CD2AP: variants seen among roughly 807,000 people sequenced by gnomAD.
CD2AP encodes the protein CD2-associated protein.
CD2AP carries 46 observed loss-of-function variants against 85.1 expected under a neutral mutation model. The observed-to-expected ratio is 0.54, with a 90% CI of 0.43 to 0.69. The LOEUF is 0.69. CD2AP is among the 30% of genes least tolerant of loss of function. CD2AP has a pLI of 0.00. For synonymous variants in CD2AP, 255 were observed against 252.9 expected (o/e 1.01, Z -0.08); for missense variants, 769 against 729.5 (o/e 1.05, Z -0.62).
chr6:47,576,090 T>C (rs1362077599), intron 6 of CD2AP, among the ~76,000 whole-genome samples: 2 of 152,150 alleles, frequency 1.3e-5, no homozygotes, highest in Non-Finnish European at 1.5e-5. Context: ...ATTGTAGTTT[T>C]TAGAGATAGG....
At chr6:47,495,192 G>C (rs1342839704) in intron 1 of CD2AP, among the ~76,000 whole-genome samples, 1 of 152,108 alleles carries the variant, frequency 6.6e-6, no homozygotes, top group African/African-American at 2.4e-5. Context: ...GTCTTTTCAG[G>C]TGTGATTAAG....
At chr6:47,510,077 A>G (rs1766274276) in intron 2 of CD2AP, among the ~76,000 whole-genome samples, 1 of 152,188 alleles carries the variant, frequency 6.6e-6, no homozygotes, top group African/African-American at 2.4e-5. Flanking sequence ...AGCAGAGTAT[A>G]TAGTTTATGA....
In CD2AP at chr6:47,610,971, A is replaced by ATATATATATATATATATATATTTT; in HGVS notation, c.1815-1501_1815-1500insATATATATATATATATATATTTTT. Reference sequence around the variant, plus strand: ...GATTTATATATATATATATATATGTATTTTTTTTTTTTTTTGAATATAAAA... The same window carrying ATATATATATATATATATATATTTT: ...GATTTATATATATATATATATATGTATATATATATATATATATATATTTTTTTTTTTTTTTTTTTGAATATAAAA... On this transcript the variant is annotated intron_variant, in intron 16 of 17. Coordinates refer to ENST00000359314, the MANE Select transcript of CD2AP (RefSeq NM_012120.3). Among the ~76,000 whole-genome samples, 17 of 112,868 alleles carry ATATATATATATATATATATATTTT rather than the reference A, an allele frequency of 1.5e-4. 1 individual carries two copies. Among genetic ancestry groups the ATATATATATATATATATATATTTT allele is most frequent in the Middle Eastern group, 5.3e-3 (1 of 188 alleles). The allele number at this position is 112,868 out of a possible 152,430, so 74.0% of individuals were successfully genotyped here.
intron 5 of CD2AP, among the ~76,000 whole-genome samples, chr6:47,573,222 T>A (rs1768203153): frequency 6.6e-6 from 1 of 152,120 alleles, no homozygotes. Flanking sequence ...TTAAAAATTT[T>A]TTATTATTAT....
intron 3 of CD2AP, among the ~76,000 whole-genome samples, chr6:47,537,421 C>T (rs1767081343): frequency 6.6e-6 from 1 of 152,072 alleles, no homozygotes; most frequent in Admixed American, 6.6e-5. Flanking sequence ...ACACCCTACC[C>T]TCTTGAACAG....
At chr6:47,518,617 G>A (rs1422738700) in intron 2 of CD2AP, among the ~76,000 whole-genome samples, 2 of 152,132 alleles carry the variant, frequency 1.3e-5, no homozygotes, top group Non-Finnish European at 2.9e-5. Context: ...AATGATATAT[G>A]CCTCTTTGTG....
chr6:47,482,612 T>G (rs903963690), intron 1 of CD2AP, among the ~76,000 whole-genome samples: 3 of 152,136 alleles, frequency 2.0e-5, no homozygotes, highest in Admixed American at 2.0e-4. Context: ...TCTCCTGACC[T>G]TGTAATCTGC....
chr6:47,595,727 A>G (rs1035319538), intron 11 of CD2AP, 134 bp from the exon 12 acceptor site: 2 of 665,146 alleles, frequency 3.0e-6, no homozygotes, highest in South Asian at 3.6e-5. Context: ...AACAGTGCAC[A>G]TGTATACAAA....
intron 17 of CD2AP, among the ~76,000 whole-genome samples, chr6:47,616,526 T>G (rs1468663677): frequency 6.6e-6 from 1 of 152,216 alleles, no homozygotes; most frequent in Non-Finnish European, 1.5e-5. Flanking sequence ...TGAAAGTACT[T>G]TGTAAATTAT....
chr6:47,542,918 A>G (rs985620401), intron 3 of CD2AP, among the ~76,000 whole-genome samples: 8 of 152,100 alleles, frequency 5.3e-5, no homozygotes, highest in Non-Finnish European at 1.0e-4. Context: ...TGGGAGGTCC[A>G]GGCAGGTGGA....
At chr6:47,544,515 A>T in intron 3 of CD2AP, 91 bp from the exon 4 acceptor site, 1 of 831,880 alleles carries the variant, frequency 1.2e-6, no homozygotes, top group Non-Finnish European at 2.0e-6. Flanking sequence ...ATTTATTTAT[A>T]TAAGTCCTGT....
intron 17 of CD2AP, 47 bp downstream of exon 17, chr6:47,612,583 A>G (rs1163464876): frequency 1.4e-6 from 2 of 1,383,114 alleles, no homozygotes; most frequent in South Asian, 1.2e-5. Context: ...CATAAACTGG[A>G]CATGTTTTTC....
chr6:47,617,054 A>G (rs531043000), intron 17 of CD2AP, among the ~76,000 whole-genome samples: 16 of 152,176 alleles, frequency 1.1e-4, no homozygotes, highest in Non-Finnish European at 2.2e-4. Context: ...TGCAACCTCA[A>G]ACTCCTGGGA....
intron 5 of CD2AP, among the ~76,000 whole-genome samples, chr6:47,568,658 C>G (rs899180622): frequency 1.3e-5 from 2 of 152,082 alleles, no homozygotes; most frequent in African/African-American, 4.8e-5. Flanking sequence ...GCAGGAGATT[C>G]GCTTGAACCT....
chr6:47,483,020 TC>T (rs1443905858), intron 1 of CD2AP, among the ~76,000 whole-genome samples: 2 of 152,182 alleles, frequency 1.3e-5, no homozygotes, highest in East Asian at 3.8e-4. Flanking sequence ...TTGTGAAAGA[TC>T]TGAAAGTTTT....
At chr6:47,566,893 T>C in intron 5 of CD2AP, among the ~76,000 whole-genome samples, 1 of 152,200 alleles carries the variant, frequency 6.6e-6, no homozygotes, top group East Asian at 1.9e-4. Context: ...GTTCCATGAC[T>C]GCGATATTGT....
intron 12 of CD2AP, among the ~76,000 whole-genome samples, chr6:47,597,570 C>T (rs901714186): frequency 1.3e-5 from 2 of 150,936 alleles, no homozygotes; most frequent in African/African-American, 4.8e-5. Flanking sequence ...GCTGGAGGAA[C>T]AGCAGATGAT....
chr6:47,608,112 A>G, intron 15 of CD2AP, 84 bp downstream of exon 15: 1 of 950,452 alleles, frequency 1.1e-6, no homozygotes, highest in Non-Finnish European at 1.7e-6. Context: ...GGTGTTCTTT[A>G]GGACGAATTA....
intron 2 of CD2AP, among the ~76,000 whole-genome samples, chr6:47,512,367 A>C (rs1025296230): frequency 6.6e-6 from 1 of 152,160 alleles, no homozygotes; most frequent in African/African-American, 2.4e-5. Flanking sequence ...AAAAAGGTGC[A>C]TGTTATTTTG....
Sources: allele counts gnomAD v4.1 joint callset (sites outside exome capture counted in the v4.1 genomes callset), GRCh38; gene constraint gnomAD v4.1.1; transcripts MANE v1.5; gene names NCBI Gene and HGNC (gene_info 2026-07-23, HGNC 2026-07-21).